The following DUSP6 variants were observed in gnomAD, a reference collection of about 807,000 sequenced individuals.
DUSP6 encodes the protein dual specificity protein phosphatase 6.
Under a neutral mutation model 28.0 loss-of-function variants are expected in DUSP6, and 6 were observed. The observed-to-expected ratio is 0.21, with a 90% CI of 0.12 to 0.42. The LOEUF (loss-of-function observed/expected upper bound fraction) is 0.42. DUSP6 is among the 10% of genes least tolerant of loss of function. DUSP6 has a pLI of 1.00. For synonymous variants in DUSP6, 252 were observed against 217.5 expected (o/e 1.16, Z -1.40); for missense variants, 451 against 498.1 (o/e 0.91, Z 0.90).
Position 89,349,040 on chromosome 12 carries a change from T to C in DUSP6, c.*214A>G, listed in dbSNP as rs1251656808. On this transcript the variant is annotated 3_prime_UTR_variant, in exon 3 of 3. Coordinates refer to ENST00000279488, the MANE Select transcript of DUSP6 (RefSeq NM_001946.4). Reference sequence around the variant, plus strand: ...GGGTACAGAGCAAACCTACTGCCTGTATCTATACAGCATGTCCTGTTATTC... The same window carrying C: ...GGGTACAGAGCAAACCTACTGCCTGCATCTATACAGCATGTCCTGTTATTC... 3.5e-6 allele frequency: 2 copies of C among 578,544 alleles called. No individual in the cohort carries two copies. Among genetic ancestry groups the C allele is most frequent in the Non-Finnish European group, 6.1e-6 (2 of 328,414 alleles). The allele number at this position is 578,544 out of a possible 1,614,324, so 35.8% of individuals were successfully genotyped here.
rs1879016927 is a variant in DUSP6 at position 89,347,425 on chromosome 12, A to G, written c.*1829T>C. The G allele has an allele frequency of 6.6e-6, 1 of 152,200 alleles. No individual in the cohort carries two copies. Among genetic ancestry groups the G allele is most frequent in the African/African-American group, 2.4e-5 (1 of 41,448 alleles). 9.4% of individuals were successfully genotyped at this position (152,200 alleles called of 1,614,324 possible). A position where few individuals can be genotyped will look rare whatever the true frequency, so the allele number is the denominator to read the frequency against. On this transcript the variant is annotated 3_prime_UTR_variant, in exon 3 of 3. Transcript: ENST00000279488. ...AGCCAGTTAAACAAAAAAGCACATT[A>G]CAACAGGGATGACAAAGTTGCCTCC... is the stretch of plus-strand genomic sequence containing the variant.
chr12:89,350,554 A>T (rs1329437638), intron 2 of DUSP6, 34 bp downstream of exon 2: 1 of 1,583,494 alleles, frequency 6.3e-7, no homozygotes, highest in Non-Finnish European at 8.6e-7. Flanking sequence ...TTTTGCATTT[A>T]AATGTCAGAG....
rs1284039810 is a variant in DUSP6, at chr12:89,351,613, C to G, written c.400+27G>C. The G allele has an allele frequency of 4.4e-6, 7 of 1,573,520 alleles. No homozygotes were observed. The South Asian group carries it at 8.2e-5, about 18-fold the overall frequency. ...CAGCCCTGCGCCCCTAGCCCTGCCC[C>G]GCGCGCGGAGTTCCCTGGGCGCGTA... On this transcript the variant is annotated intron_variant, in intron 1 of 2. Coordinates refer to ENST00000279488, the MANE Select transcript of DUSP6 (RefSeq NM_001946.4).
intron 2 of DUSP6, 37 bp from the exon 3 acceptor site, chr12:89,349,598 C>G (rs1426079544): frequency 6.6e-7 from 1 of 1,510,328 alleles, no homozygotes; most frequent in Non-Finnish European, 9.0e-7. Flanking sequence ...TCTCAGCAGA[C>G]TGAAAACCAC....
In DUSP6 at chr12:89,352,202, T is replaced by A; in HGVS notation, c.-163A>T. Reference sequence around the variant, plus strand: ...GCGGTTGGGGCAGACGAGACAGAAGTAAAGCCGGAGGTTCTCTCTGCACCC... The same window carrying A: ...GCGGTTGGGGCAGACGAGACAGAAGAAAAGCCGGAGGTTCTCTCTGCACCC... On this transcript the variant is annotated 5_prime_UTR_variant, in exon 1 of 3. Coordinates refer to ENST00000279488, the MANE Select transcript of DUSP6 (RefSeq NM_001946.4). 9.2e-7 allele frequency: 1 copy of A among 1,088,560 alleles called. No individual in the cohort carries two copies. The highest frequency in any genetic ancestry group is 1.3e-6 in the Non-Finnish European group (1 of 773,408). 67.4% of individuals were successfully genotyped at this position (1,088,560 alleles called of 1,614,324 possible).
chr12:89,351,980 C>T lies in DUSP6; in HGVS notation c.60G>A (p.Val20=), dbSNP rs1282845109. ...GCTCCAGCTGCTCGTTGAGCCACGC[C>T]ACCGTCTTGCTGATCGCCATTTCCG... ...FASEMAISKT[V]AWLNEQLELG... Residue 20 remains valine, a synonymous_variant, in exon 1 of 3, where the codon GTG becomes GTA. Transcript: ENST00000279488. The T allele has an allele frequency of 2.5e-6, 4 of 1,612,946 alleles. No homozygotes were observed. In the African/African-American group the frequency reaches 5.3e-5, roughly 22 times the overall value.
rs1188818567 is a variant in DUSP6, at chr12:89,352,335, C to T, written c.-296G>A. On this transcript the variant is annotated 5_prime_UTR_variant, in exon 1 of 3. Transcript: ENST00000279488. The stretch of plus-strand genomic sequence containing the variant: ...AAATCCAATTAATTCGGACTCCGTG[C>T]TACTGAGAGGGGAGGAAAAAAAGTC... 1 of 440,326 alleles carries T rather than the reference C, an allele frequency of 2.3e-6. No homozygotes were observed. Among genetic ancestry groups the T allele is most frequent in the Non-Finnish European group, 4.1e-6 (1 of 242,534 alleles). 27.3% of individuals were successfully genotyped at this position (440,326 alleles called of 1,614,324 possible).
chr12:89,352,476 C>A lies in DUSP6; in HGVS notation c.-437G>T, dbSNP rs1033233738. The A allele has an allele frequency of 1.7e-5, 3 of 173,552 alleles. No individual in the cohort carries two copies. The highest frequency in any genetic ancestry group is 7.1e-5 in the African/African-American group (3 of 41,964). 10.8% of individuals were successfully genotyped at this position (173,552 alleles called of 1,614,324 possible). On this transcript the variant is annotated 5_prime_UTR_variant, in exon 1 of 3. The change creates a new upstream start codon in the 5' untranslated region. Transcript: ENST00000279488. Reference sequence around the variant, plus strand: ...TCTTGGACTCAGCCTCGCACACCCCCTGCGCGAGGCAGCTCCTCAATGGAT... The same window carrying A: ...TCTTGGACTCAGCCTCGCACACCCCATGCGCGAGGCAGCTCCTCAATGGAT...
Position 89,351,635 on chromosome 12 carries a change from C to G in DUSP6, c.400+5G>C. ...CCCCGCGCGCGGAGTTCCCTGGGCG[C>G]GTACCTTCCAGGTAGAACGCCCGGC... is the stretch of plus-strand genomic sequence containing the variant. On this transcript the variant is annotated splice_donor_5th_base_variant and intron_variant, in intron 1 of 2. Transcript: ENST00000279488. The G allele has an allele frequency of 1.3e-6, 2 of 1,594,680 alleles. No homozygotes were observed. Among genetic ancestry groups the G allele is most frequent in the East Asian group, 2.3e-5 (1 of 43,962 alleles).
chr12:89,351,142 A>G (rs1879171520), intron 1 of DUSP6, 117 bp from the exon 2 acceptor site: 1 of 1,087,628 alleles, frequency 9.2e-7, no homozygotes, highest in African/African-American at 1.6e-5. Context: ...CCCCCTACAT[A>G]CAGAACCATC....
rs150761021 is a variant in DUSP6, at chr12:89,348,325, T to C, written c.*929A>G. The C allele has an allele frequency of 6.6e-6, 1 of 152,658 alleles. No homozygotes were observed. The highest frequency in any genetic ancestry group is 1.5e-5 in the Non-Finnish European group (1 of 68,038). 9.5% of individuals were successfully genotyped at this position (152,658 alleles called of 1,614,324 possible). A position where few individuals can be genotyped will look rare whatever the true frequency, so the allele number is the denominator to read the frequency against. On this transcript the variant is annotated 3_prime_UTR_variant, in exon 3 of 3. Transcript: ENST00000279488. Reference sequence around the variant, plus strand: ...TGAAGAATTTTATACAGAGGTAATATACTGTTTAGCACAGCTGAAGGTTTT... The same window carrying C: ...TGAAGAATTTTATACAGAGGTAATACACTGTTTAGCACAGCTGAAGGTTTT...
rs1879056230 is a variant in DUSP6, at chr12:89,348,427, A to G, written c.*827T>C. On this transcript the variant is annotated 3_prime_UTR_variant, in exon 3 of 3. Transcript: ENST00000279488. Reference sequence around the variant, plus strand: ...TTATCCCCTTTGCGACAACACAAGCAAAAATATTTACAAAGGTAAGGCATA... The same window carrying G: ...TTATCCCCTTTGCGACAACACAAGCGAAAATATTTACAAAGGTAAGGCATA... 1 of 152,488 alleles carries G rather than the reference A, an allele frequency of 6.6e-6. No homozygotes were observed. Among genetic ancestry groups the G allele is most frequent in the Non-Finnish European group, 1.5e-5 (1 of 68,028 alleles). 9.4% of individuals were successfully genotyped at this position (152,488 alleles called of 1,614,324 possible).
Position 89,351,636 on chromosome 12 carries a change from G to GT in DUSP6, c.400+3dup, listed in dbSNP as rs1879194850. The GT allele has an allele frequency of 6.3e-7, 1 of 1,594,994 alleles. No homozygotes were observed. The highest frequency in any genetic ancestry group is 2.3e-5 in the East Asian group (1 of 43,990). ...CCCGCGCGCGGAGTTCCCTGGGCGC[G>GT]TACCTTCCAGGTAGAACGCCCGGCA... On this transcript the variant is annotated splice_donor_region_variant and intron_variant, in intron 1 of 2. Coordinates refer to ENST00000279488, the MANE Select transcript of DUSP6 (RefSeq NM_001946.4).
At position 89,350,598 on chromosome 12, in the gene DUSP6, A is replaced by T; in HGVS notation, c.828T>A (p.Ile276=). The change falls in exon 2 of 3, where the codon ATT becomes ATA. Residue 276 remains isoleucine (I), a synonymous_variant. Coordinates refer to ENST00000279488, the MANE Select transcript of DUSP6 (RefSeq NM_001946.4). ...QNLSQFFPEA[I]SFIDEARGKN... is the part of the protein sequence containing the mutation. The stretch of plus-strand genomic sequence containing the variant: ...ATTAATTAGTCTCACCTATGAAAGA[A>T]ATGGCCTCAGGGAAAAACTGGGACA... 5.6e-6 allele frequency: 9 copies of T among 1,613,300 alleles called. No homozygotes were observed. Among genetic ancestry groups the T allele is most frequent in the Non-Finnish European group, 7.6e-6 (9 of 1,179,350 alleles).
intron 2 of DUSP6, 110 bp downstream of exon 2, chr12:89,350,478 T>A (rs1219199397): frequency 1.8e-6 from 2 of 1,120,556 alleles, no homozygotes; most frequent in Non-Finnish European, 2.6e-6. Context: ...ATTAGAGACC[T>A]GCAGTCAGAC....
chr12:89,348,606 A>G lies in DUSP6; in HGVS notation c.*648T>C, dbSNP rs1174065674. ...CTGCAAATATACCCTTTGGATTAGA[A>G]AAGAGCACAATTTTCTTTTTTTGTT... On this transcript the variant is annotated 3_prime_UTR_variant, in exon 3 of 3. Coordinates refer to ENST00000279488, the MANE Select transcript of DUSP6 (RefSeq NM_001946.4). The G allele has an allele frequency of 6.6e-6, 1 of 152,528 alleles. No homozygotes were observed. The highest frequency in any genetic ancestry group is 1.5e-5 in the Non-Finnish European group (1 of 68,048). The allele number at this position is 152,528 out of a possible 1,614,324, so 9.4% of individuals were successfully genotyped here.
In DUSP6 at chr12:89,350,690, G is replaced by A; in HGVS notation, c.736C>T (p.Leu246Phe). The A allele has an allele frequency of 6.2e-7, 1 of 1,614,166 alleles. No individual in the cohort carries two copies. The highest frequency in any genetic ancestry group is 8.5e-7 in the Non-Finnish European group (1 of 1,180,032). The change falls in exon 2 of 3, where the codon CTC becomes TTC. Residue 246 changes from leucine (L) to phenylalanine (F), a missense_variant. By Grantham distance (22) the Leu-to-Phe change is conservative (BLOSUM62 0). Transcript: ENST00000279488. Reference sequence around the variant, plus strand: ...TTAAACTCTCCTGCGTTCTCAAAGAGATTCGGCAAATTGGGGGTGACGTTC... The same window carrying A: ...TTAAACTCTCCTGCGTTCTCAAAGAAATTCGGCAAATTGGGGGTGACGTTC... ...ILNVTPNLPN[L>F]FENAGEFKYK...
chr12:89,350,264 G>T (rs1369998786), intron 2 of DUSP6, among the ~76,000 whole-genome samples: 1 of 152,200 alleles, frequency 6.6e-6, no homozygotes, highest in Non-Finnish European at 1.5e-5. Flanking sequence ...CCTGTCTATA[G>T]TGAGTACTTC....
Position 89,352,095 on chromosome 12 carries a change from C to T in DUSP6, c.-56G>A, listed in dbSNP as rs1469178544. 1.3e-6 allele frequency: 2 copies of T among 1,555,958 alleles called. No individual in the cohort carries two copies. Among genetic ancestry groups the T allele is most frequent in the Non-Finnish European group, 8.7e-7 (1 of 1,149,494 alleles). ...CCTACCAGACGCCCCTCGGGGCAGG[C>T]ATAGGCCGAGCGCACCGCGCGCGAA... On this transcript the variant is annotated 5_prime_UTR_variant, in exon 1 of 3. The change abolishes an upstream ATG in the 5' untranslated region. Transcript: ENST00000279488.
Sources: allele counts gnomAD v4.1 joint callset (sites outside exome capture counted in the v4.1 genomes callset), GRCh38; gene constraint gnomAD v4.1.1; transcripts MANE v1.5; gene names NCBI Gene and HGNC (gene_info 2026-07-23, HGNC 2026-07-21).